Variants in PRKG2 observed in about 807,000 individuals in gnomAD.
PRKG2 encodes the protein cGMP-dependent protein kinase 2.
A neutral mutation model predicts 97.2 loss-of-function variants in PRKG2; 33 were observed. That is an observed-to-expected ratio of 0.34 (90% CI 0.26 to 0.45). The LOEUF (loss-of-function observed/expected upper bound fraction) is 0.45, where lower values mean the gene tolerates loss of function less well. PRKG2 is among the 20% of genes least tolerant of loss of function. The probability of loss-of-function intolerance (pLI) is 1.00; values close to 1 mark genes in which losing one functional copy is unlikely to be tolerated. For synonymous variants in PRKG2, 330 were observed against 321.8 expected (o/e 1.03, Z -0.27); for missense variants, 638 against 900.0 (o/e 0.71, Z 3.73).
At chr4:81,137,513 T>TC in intron 12 of PRKG2, 31 bp from the exon 13 acceptor site, 1 of 1,548,896 alleles carries the variant, frequency 6.5e-7, no homozygotes, top group Non-Finnish European at 8.9e-7. Context: ...ATGGTTATTA[T>TC]TGGAAATCTA....
chr4:81,100,664 T>G (rs925319617), intron 17 of PRKG2, among the ~76,000 whole-genome samples: 3 of 152,146 alleles, frequency 2.0e-5, no homozygotes, highest in Non-Finnish European at 4.4e-5. Context: ...GGGCAAGGAC[T>G]TCATGTCTAA....
chr4:81,108,275 A>T (rs1393759270), intron 15 of PRKG2, among the ~76,000 whole-genome samples: 1 of 152,104 alleles, frequency 6.6e-6, no homozygotes, highest in East Asian at 1.9e-4. Context: ...AAAATTAAAG[A>T]TGACTTTCCA....
intron 18 of PRKG2, among the ~76,000 whole-genome samples, chr4:81,090,481 T>G (rs1026344099): frequency 2.6e-5 from 4 of 152,174 alleles, no homozygotes; most frequent in African/African-American, 9.7e-5. Context: ...CCTGAAATTT[T>G]TATGGTTAAT....
intron 11 of PRKG2, among the ~76,000 whole-genome samples, chr4:81,141,340 G>A (rs576065024): frequency 1.1e-3 from 160 of 152,106 alleles, no homozygotes; most frequent in African/African-American, 3.8e-3. Context: ...ATCCAATATG[G>A]TAACTGCAAA....
chr4:81,140,736 G>C, intron 11 of PRKG2, 67 bp from the exon 12 acceptor site: 1 of 1,375,980 alleles, frequency 7.3e-7, no homozygotes, highest in South Asian at 1.4e-5. Context: ...TAATCAATGA[G>C]AGTTAAAACT....
chr4:81,205,110 C>T, intron 1 of PRKG2, 50 bp from the exon 2 acceptor site: 1 of 1,107,948 alleles, frequency 9.0e-7, no homozygotes, highest in Non-Finnish European at 1.3e-6. Flanking sequence ...CACTTCCCAA[C>T]AGTCCCCACC....
At chr4:81,217,031 G>GTGTA (rs1553933203), upstream of PRKG2, among the ~76,000 whole-genome samples, 5 of 115,284 alleles carry the variant, frequency 4.3e-5, no homozygotes, top group African/African-American at 1.5e-4. Flanking sequence ...TATATATTTT[G>GTGTA]TATATATATA....
intron 14 of PRKG2, among the ~76,000 whole-genome samples, chr4:81,133,336 G>C (rs1476950166): frequency 6.6e-6 from 1 of 152,056 alleles, no homozygotes. Context: ...TTTAATGTAT[G>C]TGATTCCTGG....
At chr4:81,216,144 A>G (rs1454489207), upstream of PRKG2, among the ~76,000 whole-genome samples, 1 of 152,168 alleles carries the variant, frequency 6.6e-6, no homozygotes, top group East Asian at 1.9e-4. Flanking sequence ...TTTAAACCAC[A>G]TGGTGGCAGT....
chr4:81,119,666 A>G (rs1744881637), intron 14 of PRKG2, among the ~76,000 whole-genome samples: 1 of 151,066 alleles, frequency 6.6e-6, no homozygotes, highest in Non-Finnish European at 1.5e-5. Context: ...ATTTTGATTG[A>G]AACTGAATTG....
At chr4:81,089,869 T>A in intron 18 of PRKG2, 66 bp from the exon 19 acceptor site, 5 of 1,281,288 alleles carry the variant, frequency 3.9e-6, no homozygotes, top group South Asian at 1.3e-5. Context: ...CACATATGGG[T>A]AATGTTTTTT....
intron 17 of PRKG2, among the ~76,000 whole-genome samples, chr4:81,098,887 T>C (rs1029113368): frequency 6.6e-6 from 1 of 152,158 alleles, no homozygotes; most frequent in African/African-American, 2.4e-5. Context: ...AGTGAGCAAA[T>C]GTTGTTGGAA....
intron 16 of PRKG2, 26 bp from the exon 17 acceptor site, chr4:81,104,458 A>G (rs1743122285): frequency 9.1e-7 from 1 of 1,097,950 alleles, no homozygotes; most frequent in Non-Finnish European, 1.2e-6. Context: ...GTAAAAGGCA[A>G]TTTATAATAA....
chr4:81,117,351 T>C (rs545406679), intron 14 of PRKG2, among the ~76,000 whole-genome samples: 205 of 152,216 alleles, frequency 1.3e-3, no homozygotes, highest in Non-Finnish European at 2.4e-3. Context: ...TTGTTCACTT[T>C]TCAATCCATC....
intron 6 of PRKG2, 105 bp from the exon 7 acceptor site, chr4:81,153,826 G>A (rs1263864532): frequency 3.9e-5 from 30 of 769,528 alleles, no homozygotes; most frequent in South Asian, 1.1e-4. Flanking sequence ...CGCAGAAGAC[G>A]GGTGATTTCT....
At chr4:81,106,435 T>A (rs1578347127) in intron 15 of PRKG2, among the ~76,000 whole-genome samples, 1 of 151,182 alleles carries the variant, frequency 6.6e-6, no homozygotes, top group Non-Finnish European at 1.5e-5. Flanking sequence ...AAGAGGGGAG[T>A]ACATAGATGA....
At position 81,131,618 on chromosome 4, in the gene PRKG2, C is replaced by T. The variant is rs776286319; in HGVS notation, c.1776+3537G>A. The stretch of plus-strand genomic sequence containing the variant: ...TTGTGAAAATATTACCCTATGTTTA[C>T]GTCTAGGTGATTTACAGGTCTAGGA... On this transcript the variant is annotated intron_variant, in intron 14 of 18. Transcript: ENST00000264399. Among the ~76,000 whole-genome samples, 9 of 152,178 alleles carry T rather than the reference C, an allele frequency of 5.9e-5. No homozygotes were observed. In the South Asian group the frequency reaches 6.2e-4, roughly 11 times the overall value.
At chr4:81,124,338 TTA>T (rs543717423) in intron 14 of PRKG2, among the ~76,000 whole-genome samples, 160 of 152,342 alleles carry the variant, frequency 1.1e-3, no homozygotes, top group African/African-American at 3.6e-3. Context: ...TCTTAAGACT[TTA>T]TGTTTGTTTT....
chr4:81,093,382 C>G (rs912311641), intron 17 of PRKG2, among the ~76,000 whole-genome samples: 5 of 150,904 alleles, frequency 3.3e-5, no homozygotes, highest in Non-Finnish European at 7.4e-5. Context: ...CACACACACA[C>G]ACACACACAC....
Sources: gnomAD v4.1 joint callset for allele counts (sites outside exome capture counted in the v4.1 genomes callset) on GRCh38, gnomAD v4.1.1 for gene constraint, MANE v1.5 for transcripts, NCBI Gene and HGNC (gene_info 2026-07-23, HGNC 2026-07-21) for gene names.